METTL23: variants seen among roughly 807,000 people sequenced by gnomAD.
METTL23 encodes the protein methyltransferase 23, arginine, also known as histone-arginine methyltransferase METTL23.
In METTL23, 24 loss-of-function variants were observed where a neutral mutation model predicts 21.2. The observed-to-expected ratio is 1.13, with a 90% CI of 0.82 to 1.59. The LOEUF (loss-of-function observed/expected upper bound fraction) is 1.59. Among genes scored for constraint, METTL23 ranks in the 40% most tolerant of loss-of-function variants. The pLI is 0.00. For synonymous variants in METTL23, 97 were observed against 75.2 expected (o/e 1.29, Z -1.50); for missense variants, 276 against 221.4 (o/e 1.25, Z -1.57).
intron 1 of METTL23, among the ~76,000 whole-genome samples, chr17:76,728,459 C>CTG (rs10635372): frequency 0.99 from 147,645 of 148,852 alleles, 73,237 homozygotes; most frequent in East Asian, 1. Context: ...GTCACCCAGA[C>CTG]GAGTGCAGTG....
At chr17:76,726,068 C>G (rs775431834), upstream of METTL23, among the ~76,000 whole-genome samples, 7 of 152,320 alleles carry the variant, frequency 4.6e-5, no homozygotes, top group Non-Finnish European at 8.8e-5. Context: ...CTAGGGGACC[C>G]GCCGCCCAAA....
upstream of METTL23, among the ~76,000 whole-genome samples, chr17:76,726,045 A>G (rs770097086): frequency 8.5e-5 from 13 of 152,160 alleles, no homozygotes; most frequent in Non-Finnish European, 1.8e-4. Flanking sequence ...ATGAGCCTTG[A>G]CAGCCAGGTC....
upstream of METTL23, among the ~76,000 whole-genome samples, chr17:76,726,106 T>C (rs985550734): frequency 6.6e-6 from 1 of 152,136 alleles, no homozygotes; most frequent in Admixed American, 6.5e-5. Context: ...GCCTTCTAGT[T>C]GAGAGCGCCA....
upstream of METTL23, chr17:76,726,285 A>C (rs958028208): frequency 2.7e-6 from 4 of 1,505,066 alleles, no homozygotes; most frequent in African/African-American, 5.8e-5. Context: ...GGCCCAGAGA[A>C]AGGTGCGTAG....
At chr17:76,732,809 T>G (rs555785610) in intron 2 of METTL23, 169 bp from the exon 3 acceptor site, 3 of 627,078 alleles carry the variant, frequency 4.8e-6, no homozygotes, top group Non-Finnish European at 8.3e-6. Flanking sequence ...GGAATGTACT[T>G]TTGTCATGTT....
At chr17:76,728,417 T>TTTTTTTTTTTTTTTTTTTTTTTTTG (rs1568008517) in intron 1 of METTL23, among the ~76,000 whole-genome samples, 3 of 126,942 alleles carry the variant, frequency 2.4e-5, no homozygotes, top group African/African-American at 1.1e-4. Flanking sequence ...CACGGATTTT[T>TTTTTTTTTTTTTTTTTTTTTTTTTG]TTTTTTTTTT....
At chr17:76,728,415 T>TG (rs112409280) in intron 1 of METTL23, among the ~76,000 whole-genome samples, 133,246 of 140,880 alleles carry the variant, frequency 0.95, 63,234 homozygotes, top group Non-Finnish European at 0.99. Context: ...TTCACGGATT[T>TG]TTTTTTTTTT....
At chr17:76,729,868 T>G (rs2143817777) in intron 2 of METTL23, 74 bp downstream of exon 2, 1 of 1,051,804 alleles carries the variant, frequency 9.5e-7, no homozygotes. Flanking sequence ...GTATATTGCT[T>G]GTTTTTAGCT....
intron 1 of METTL23, chr17:76,727,435 AGT>A (rs1471377776): frequency 4.4e-6 from 1 of 227,424 alleles, no homozygotes; most frequent in Non-Finnish European, 9.1e-6. Context: ...TGTAAGCTTA[AGT>A]GATCCTCCTG....
chr17:76,729,690 G>T lies in METTL23; in HGVS notation c.-21G>T. On this transcript the variant is annotated splice_region_variant and 5_prime_UTR_variant, in exon 2 of 5. Coordinates refer to ENST00000341249, the MANE Select transcript of METTL23 (RefSeq NM_001080510.5). Reference sequence around the variant, plus strand: ...TGGCACACAAAAACATTCTTTTCAGGTCCTGCATCTCCAGTATGGAATGTA... The same window carrying T: ...TGGCACACAAAAACATTCTTTTCAGTTCCTGCATCTCCAGTATGGAATGTA... 6.4e-7 allele frequency: 1 copy of T among 1,564,502 alleles called. No homozygotes were observed. The highest frequency in any genetic ancestry group is 8.7e-7 in the Non-Finnish European group (1 of 1,148,308).
At chr17:76,730,030 G>A (rs944728916) in intron 2 of METTL23, among the ~76,000 whole-genome samples, 3 of 151,982 alleles carry the variant, frequency 2.0e-5, no homozygotes, top group South Asian at 2.1e-4. Flanking sequence ...GGTGGCTCAC[G>A]CCTGTAATCC....
rs1056038590 is a variant in METTL23 at position 76,733,765 on chromosome 17, A to C, written c.*79A>C. The C allele has an allele frequency of 9.9e-6, 13 of 1,317,084 alleles. No individual in the cohort carries two copies. Among genetic ancestry groups the C allele is most frequent in the Non-Finnish European group, 1.3e-5 (13 of 963,506 alleles). The allele number at this position is 1,317,084 out of a possible 1,614,324, so 81.6% of individuals were successfully genotyped here. A position where few individuals can be genotyped will look rare whatever the true frequency, so the allele number is the denominator to read the frequency against. ...ACACAAACTATGAGCAGACCACTTC[A>C]GCTTGAGAATGCAGTGGGTCTGAAG... On this transcript the variant is annotated 3_prime_UTR_variant, in exon 5 of 5. Coordinates refer to ENST00000341249, the MANE Select transcript of METTL23 (RefSeq NM_001080510.5).
intron 2 of METTL23, among the ~76,000 whole-genome samples, chr17:76,730,521 C>A (rs1008176737): frequency 6.6e-6 from 1 of 152,130 alleles, no homozygotes; most frequent in Non-Finnish European, 1.5e-5. Context: ...GTTTGCTGAC[C>A]GCTATTCTAG....
chr17:76,729,003 G>A (rs1044138686), intron 1 of METTL23, among the ~76,000 whole-genome samples: 1 of 150,692 alleles, frequency 6.6e-6, no homozygotes, highest in East Asian at 2.0e-4. Context: ...GTTTCACCGC[G>A]TTAGCCAGGA....
At position 76,726,865 on chromosome 17, in the gene METTL23, G is replaced by C. The variant is rs752799032; in HGVS notation, c.-335G>C. On this transcript the variant is annotated 5_prime_UTR_variant, in exon 1 of 5. Coordinates refer to ENST00000341249, the MANE Select transcript of METTL23 (RefSeq NM_001080510.5). Reference sequence around the variant, plus strand: ...CTTCCGGTCGCGCCAGCCGCCCGTTGCCAGTTCTGCGCGTGTGAGTCTCTT... The same window carrying C: ...CTTCCGGTCGCGCCAGCCGCCCGTTCCCAGTTCTGCGCGTGTGAGTCTCTT... 9.2e-6 allele frequency: 4 copies of C among 436,258 alleles called. No individual in the cohort carries two copies. Among genetic ancestry groups the C allele is most frequent in the South Asian group, 6.3e-5 (4 of 63,534 alleles). The allele number at this position is 436,258 out of a possible 1,614,324, so 27.0% of individuals were successfully genotyped here.
At chr17:76,730,743 G>A (rs1007313474) in intron 2 of METTL23, among the ~76,000 whole-genome samples, 1 of 152,140 alleles carries the variant, frequency 6.6e-6, no homozygotes, top group Non-Finnish European at 1.5e-5. Context: ...CAAGGCGGGC[G>A]GATTGCCTGA....
upstream of METTL23, chr17:76,726,629 A>T: frequency 9.7e-7 from 1 of 1,027,634 alleles, no homozygotes; most frequent in South Asian, 1.9e-5. Flanking sequence ...CAGAAAATTC[A>T]CTCCCCAGCC....
upstream of METTL23, chr17:76,726,771 T>C: frequency 2.3e-6 from 1 of 438,850 alleles, no homozygotes; most frequent in Non-Finnish European, 4.4e-6. Context: ...GTTGGGAAGG[T>C]CACGTCGGCT....
intron 1 of METTL23, among the ~76,000 whole-genome samples, chr17:76,728,474 A>C (rs567359499): frequency 1.4e-5 from 2 of 148,036 alleles, no homozygotes; most frequent in African/African-American, 5.2e-5. Context: ...GCAGTGGCAC[A>C]ATCTCAGCTC....
Sources: gnomAD v4.1 joint callset for allele counts (sites outside exome capture counted in the v4.1 genomes callset) on GRCh38, gnomAD v4.1.1 for gene constraint, MANE v1.5 for transcripts, NCBI Gene and HGNC (gene_info 2026-07-23, HGNC 2026-07-21) for gene names.